The following ST6GALNAC3 variants were observed in gnomAD, a reference collection of about 807,000 sequenced individuals.
ST6GALNAC3 encodes the protein ST6 N-acetylgalactosaminide alpha-2,6-sialyltransferase 3.
A neutral mutation model predicts 32.7 loss-of-function variants in ST6GALNAC3; 25 were observed. The ratio of observed to expected loss-of-function variants is 0.76; its 90% confidence interval spans 0.56 to 1.07. The LOEUF (loss-of-function observed/expected upper bound fraction) is 1.07, where lower values mean the gene tolerates loss of function less well. Among genes scored for constraint, ST6GALNAC3 ranks in the 50% least tolerant of loss-of-function variants. The probability of loss-of-function intolerance (pLI) is 0.00; values close to 1 mark genes in which losing one functional copy is unlikely to be tolerated. For missense variants in ST6GALNAC3, 355 were observed against 382.4 expected (o/e 0.93, Z 0.60); for synonymous variants, 129 against 133.1 (o/e 0.97, Z 0.21).
chr1:76,086,171 G>T (rs1646962360), intron 1 of ST6GALNAC3, among the ~76,000 whole-genome samples: 2 of 152,156 alleles, frequency 1.3e-5, no homozygotes, highest in Admixed American at 1.3e-4. Context: ...CCACTTCTTT[G>T]CTGGCTAACA....
chr1:76,516,932 G>A (rs933005188), intron 3 of ST6GALNAC3, among the ~76,000 whole-genome samples: 1 of 151,620 alleles, frequency 6.6e-6, no homozygotes, highest in Non-Finnish European at 1.5e-5. Context: ...TTTTCCACAT[G>A]GAAATTAAAA....
intron 3 of ST6GALNAC3, among the ~76,000 whole-genome samples, chr1:76,415,517 C>T (rs1654558349): frequency 6.6e-6 from 1 of 151,922 alleles, no homozygotes; most frequent in Non-Finnish European, 1.5e-5. Context: ...CAGACTTAAA[C>T]ATACTTGAAG....
chr1:76,619,013 T>C (rs934123293), intron 3 of ST6GALNAC3, among the ~76,000 whole-genome samples: 2 of 152,138 alleles, frequency 1.3e-5, no homozygotes, highest in African/African-American at 4.8e-5. Flanking sequence ...ATAAACTGCA[T>C]AGGCCATCTG....
intron 3 of ST6GALNAC3, among the ~76,000 whole-genome samples, chr1:76,457,233 G>A (rs1435422545): frequency 2.0e-5 from 3 of 152,080 alleles, no homozygotes; most frequent in Non-Finnish European, 2.9e-5. Flanking sequence ...AACATTCCAT[G>A]CTCATGGATA....
intron 3 of ST6GALNAC3, among the ~76,000 whole-genome samples, chr1:76,492,746 A>T (rs1291849837): frequency 6.6e-6 from 1 of 152,154 alleles, no homozygotes; most frequent in Admixed American, 6.6e-5. Context: ...TAAGAGAATG[A>T]ATAAAGGAAG....
chr1:76,180,818 C>T (rs973143332), intron 1 of ST6GALNAC3, among the ~76,000 whole-genome samples: 1 of 152,162 alleles, frequency 6.6e-6, no homozygotes, highest in African/African-American at 2.4e-5. Context: ...TGCTCAGAGC[C>T]ACCTCCACCA....
intron 1 of ST6GALNAC3, among the ~76,000 whole-genome samples, chr1:76,252,723 C>T (rs1657694083): frequency 1.3e-5 from 2 of 152,114 alleles, no homozygotes; most frequent in African/African-American, 4.8e-5. Flanking sequence ...GTAAACACAG[C>T]TGAGAAATGC....
chr1:76,194,384 G>A (rs66533016), intron 1 of ST6GALNAC3, among the ~76,000 whole-genome samples: 14,059 of 151,980 alleles, frequency 0.093, 742 homozygotes, highest in African/African-American at 0.14. Context: ...AAGTATTAAG[G>A]ATCTCAAAAA....
chr1:76,236,819 A>T (rs961512001), intron 1 of ST6GALNAC3, among the ~76,000 whole-genome samples: 2 of 152,194 alleles, frequency 1.3e-5, no homozygotes, highest in African/African-American at 4.8e-5. Flanking sequence ...TTCTAAAATA[A>T]TTTTTTAGAT....
chr1:76,525,042 A>G (rs568444642), intron 3 of ST6GALNAC3, among the ~76,000 whole-genome samples: 11 of 152,266 alleles, frequency 7.2e-5, no homozygotes, highest in Admixed American at 5.2e-4. Context: ...TTTCTACATA[A>G]TATTCTCTCA....
chr1:76,630,552 C>A lies in ST6GALNAC3; in HGVS notation c.*1746C>A, dbSNP rs911996040. ...TTCAAAAGACAAAAGCCAGGCTCAA[C>A]TTATAGAATGTTTTGGAAACTGGAA... On this transcript the variant is annotated 3_prime_UTR_variant, in exon 5 of 5. Transcript: ENST00000328299. 12 of 985,356 alleles carry A rather than the reference C, an allele frequency of 1.2e-5. No individual in the cohort carries two copies. In the Admixed American group the frequency reaches 6.8e-4, roughly 56 times the overall value. The allele number at this position is 985,356 out of a possible 1,614,324, so 61.0% of individuals were successfully genotyped here.
At chr1:76,229,613 T>C (rs1257439582) in intron 1 of ST6GALNAC3, among the ~76,000 whole-genome samples, 3 of 152,224 alleles carry the variant, frequency 2.0e-5, no homozygotes, top group Non-Finnish European at 4.4e-5. Context: ...GAGGGCCTAG[T>C]TGGGCAAGAA....
intron 3 of ST6GALNAC3, among the ~76,000 whole-genome samples, chr1:76,507,310 T>TACCCATTTAAAGTGTATAATTC (rs1553129710): frequency 6.6e-6 from 1 of 152,210 alleles, no homozygotes; most frequent in Non-Finnish European, 1.5e-5. Flanking sequence ...CTATATAATT[T>TACCCATTTAAAGTGTATAATTC]ACCCATTTAA....
chr1:76,130,505 G>C (rs547898713), intron 1 of ST6GALNAC3, among the ~76,000 whole-genome samples: 41 of 152,296 alleles, frequency 2.7e-4, no homozygotes, highest in African/African-American at 9.6e-4. Flanking sequence ...AGGTGACTAG[G>C]GAAGGGACCA....
intron 1 of ST6GALNAC3, among the ~76,000 whole-genome samples, chr1:76,184,043 G>T (rs1653375356): frequency 6.6e-6 from 1 of 151,556 alleles, no homozygotes; most frequent in South Asian, 2.1e-4. Flanking sequence ...TCTACTCTGA[G>T]CCCATTCACG....
intron 1 of ST6GALNAC3, among the ~76,000 whole-genome samples, chr1:76,207,189 C>A (rs766323208): frequency 5.9e-5 from 9 of 152,182 alleles, no homozygotes; most frequent in Non-Finnish European, 1.3e-4. Context: ...CCCCATTTTA[C>A]AAATTGGAGC....
intron 2 of ST6GALNAC3, among the ~76,000 whole-genome samples, chr1:76,364,248 C>T (rs1444020110): frequency 6.6e-6 from 1 of 152,118 alleles, no homozygotes; most frequent in Non-Finnish European, 1.5e-5. Context: ...ACACTCATAC[C>T]TTTTAAAAAG....
chr1:76,586,376 C>G (rs1381971126), intron 3 of ST6GALNAC3, among the ~76,000 whole-genome samples: 1 of 152,164 alleles, frequency 6.6e-6, no homozygotes, highest in African/African-American at 2.4e-5. Flanking sequence ...CTAGAACACC[C>G]ACCTGCCCTT....
chr1:76,153,347 TA>T (rs1234217159), intron 1 of ST6GALNAC3, among the ~76,000 whole-genome samples: 4 of 152,130 alleles, frequency 2.6e-5, no homozygotes, highest in Non-Finnish European at 5.9e-5. Context: ...TAACCTAATC[TA>T]AACCAGAAAC....
Sources: gnomAD v4.1 joint callset for allele counts (sites outside exome capture counted in the v4.1 genomes callset) on GRCh38, gnomAD v4.1.1 for gene constraint, MANE v1.5 for transcripts, NCBI Gene and HGNC (gene_info 2026-07-23, HGNC 2026-07-21) for gene names.